Variants in CCSER1 observed in about 807,000 individuals in gnomAD.
CCSER1 encodes the protein serine-rich coiled-coil domain-containing protein 1.
A neutral mutation model predicts 82.0 loss-of-function variants in CCSER1; 41 were observed. The observed-to-expected ratio is 0.50, with a 90% CI of 0.39 to 0.65. The LOEUF (loss-of-function observed/expected upper bound fraction) is 0.65. Ranked by LOEUF, CCSER1 falls within the 30% of genes least tolerant of loss-of-function variation. CCSER1 has a pLI of 0.00. For missense variants in CCSER1, 1,119 were observed against 1,064.2 expected, an observed-to-expected ratio of 1.05 and a Z score of -0.72; for synonymous variants, 414 against 383.9, an observed-to-expected ratio of 1.08 and a Z score of -0.92.
At chr4:91,374,171 C>T (rs1750235243) in intron 10 of CCSER1, among the ~76,000 whole-genome samples, 1 of 151,842 alleles carries the variant, frequency 6.6e-6, no homozygotes, top group Non-Finnish European at 1.5e-5. Context: ...GTAGATGTAG[C>T]TAAGATTATT....
intron 5 of CCSER1, among the ~76,000 whole-genome samples, chr4:90,519,962 G>A (rs930824525): frequency 6.6e-6 from 1 of 151,980 alleles, no homozygotes; most frequent in East Asian, 1.9e-4. Flanking sequence ...TAGTACAGTG[G>A]TTACAACATG....
intron 1 of CCSER1, among the ~76,000 whole-genome samples, chr4:90,299,942 G>A (rs1392705521): frequency 6.6e-6 from 1 of 152,020 alleles, no homozygotes. Context: ...TTTTCTTAAT[G>A]TTAAAATTAT....
intron 6 of CCSER1, among the ~76,000 whole-genome samples, chr4:90,659,514 C>T (rs1375148842): frequency 1.3e-5 from 2 of 152,016 alleles, no homozygotes; most frequent in African/African-American, 2.4e-5. Flanking sequence ...ATCATTACAA[C>T]CACCACCAAC....
intron 6 of CCSER1, among the ~76,000 whole-genome samples, chr4:90,638,246 T>C (rs1339751871): frequency 2.0e-5 from 3 of 152,166 alleles, no homozygotes; most frequent in Admixed American, 1.3e-4. Context: ...GATAATAATT[T>C]TTTTTAATCT....
chr4:91,257,589 TAAAC>T (rs996915610), intron 10 of CCSER1, among the ~76,000 whole-genome samples: 9 of 151,892 alleles, frequency 5.9e-5, no homozygotes, highest in Admixed American at 2.0e-4. Context: ...TTCTTAAAAT[TAAAC>T]AAAGGAACAA....
intron 10 of CCSER1, among the ~76,000 whole-genome samples, chr4:91,570,690 C>T (rs951376667): frequency 1.3e-5 from 2 of 152,144 alleles, no homozygotes; most frequent in African/African-American, 4.8e-5. Flanking sequence ...GGCTTTGGGC[C>T]TGGCCCAGGA....
chr4:90,264,698 T>A (rs929944057), intron 1 of CCSER1, among the ~76,000 whole-genome samples: 6 of 148,312 alleles, frequency 4.0e-5, no homozygotes, highest in South Asian at 2.2e-4. Flanking sequence ...CTTTTTTTTT[T>A]ATCCTGGATG....
chr4:90,673,388 A>G (rs1054038718), intron 6 of CCSER1, among the ~76,000 whole-genome samples: 2 of 151,966 alleles, frequency 1.3e-5, no homozygotes, highest in African/African-American at 4.8e-5. Context: ...TCTTACTTCT[A>G]TGGAATGCTG....
chr4:90,221,178 T>C (rs1040669065), intron 1 of CCSER1, among the ~76,000 whole-genome samples: 4 of 152,132 alleles, frequency 2.6e-5, no homozygotes, highest in Non-Finnish European at 5.9e-5. Context: ...AATCCTAAAC[T>C]ATTATAAGTT....
chr4:91,119,315 A>C (rs1432373330), intron 10 of CCSER1, among the ~76,000 whole-genome samples: 1 of 151,998 alleles, frequency 6.6e-6, no homozygotes, highest in East Asian at 1.9e-4. Context: ...ATTAAGCCTA[A>C]AATGAACTGC....
intron 9 of CCSER1, among the ~76,000 whole-genome samples, chr4:91,024,710 T>C (rs1450080441): frequency 6.6e-6 from 1 of 152,068 alleles, no homozygotes; most frequent in Non-Finnish European, 1.5e-5. Context: ...ATGCAAATTT[T>C]GTTCAATAAG....
chr4:90,841,435 G>A (rs960644267), intron 8 of CCSER1, among the ~76,000 whole-genome samples: 3 of 151,614 alleles, frequency 2.0e-5, no homozygotes, highest in Admixed American at 6.6e-5. Flanking sequence ...AAAATTAGCC[G>A]GGCGTGGTGG....
At chr4:90,584,585 G>A (rs1781780634) in intron 5 of CCSER1, among the ~76,000 whole-genome samples, 2 of 152,158 alleles carry the variant, frequency 1.3e-5, no homozygotes. Context: ...AAAAATTTGG[G>A]TATTGTTTTA....
intron 9 of CCSER1, among the ~76,000 whole-genome samples, chr4:91,039,814 T>G (rs915709776): frequency 2.0e-5 from 3 of 152,096 alleles, no homozygotes; most frequent in Non-Finnish European, 2.9e-5. Flanking sequence ...GTAACATATT[T>G]GAGCAATTGT....
chr4:90,343,594 C>T (rs1055415036), intron 3 of CCSER1, among the ~76,000 whole-genome samples: 8 of 152,140 alleles, frequency 5.3e-5, no homozygotes, highest in South Asian at 4.2e-4. Context: ...CCCAGCCTGG[C>T]GACAGAGTGA....
intron 1 of CCSER1, among the ~76,000 whole-genome samples, chr4:90,246,278 G>C (rs1008157740): frequency 2.0e-5 from 3 of 152,040 alleles, no homozygotes; most frequent in Non-Finnish European, 4.4e-5. Flanking sequence ...CTTTTTTCAA[G>C]GTCGTACAGT....
chr4:91,196,114 G>A (rs77882536), intron 10 of CCSER1, among the ~76,000 whole-genome samples: 3 of 151,468 alleles, frequency 2.0e-5, no homozygotes, highest in Non-Finnish European at 4.4e-5. Context: ...ATGAACCCGG[G>A]AGGCGGAGCT....
intron 1 of CCSER1, among the ~76,000 whole-genome samples, chr4:90,163,599 A>G (rs1000199807): frequency 2.0e-5 from 3 of 152,138 alleles, no homozygotes; most frequent in Admixed American, 2.0e-4. Flanking sequence ...AGATTTTTTT[A>G]CATGTAGTAT....
At chr4:90,996,830 T>A (rs536681817) in intron 9 of CCSER1, among the ~76,000 whole-genome samples, 1 of 152,320 alleles carries the variant, frequency 6.6e-6, no homozygotes, top group South Asian at 2.1e-4. Flanking sequence ...GTTGATTGTA[T>A]AAATAGTGTG....
Sources: allele counts gnomAD v4.1 joint callset (sites outside exome capture counted in the v4.1 genomes callset), GRCh38; gene constraint gnomAD v4.1.1; transcripts MANE v1.5; gene names NCBI Gene and HGNC (gene_info 2026-07-23, HGNC 2026-07-21).